The following NANOGNB variants were observed in gnomAD, a reference collection of about 807,000 sequenced individuals.
NANOGNB encodes NANOG neighbor homeobox, also known as homeobox C14.
Under a neutral mutation model 25.0 loss-of-function variants are expected in NANOGNB, and 30 were observed. The ratio of observed to expected loss-of-function variants is 1.20; its 90% CI spans 0.90 to 1.63. The LOEUF is 1.63. Among genes scored for constraint, NANOGNB ranks in the 40% most tolerant of loss-of-function variants. The pLI is 0.00. For synonymous variants in NANOGNB, 84 were observed against 62.1 expected (o/e 1.35, Z -1.66); for missense variants, 200 against 188.1 (o/e 1.06, Z -0.37).
chr12:7,766,642 T>C (rs1172236659), intron 1 of NANOGNB, among the ~76,000 whole-genome samples: 1 of 151,806 alleles, frequency 6.6e-6, no homozygotes, highest in Non-Finnish European at 1.5e-5. Flanking sequence ...TGGCACAATC[T>C]CAACTAACTG....
intron 1 of NANOGNB, among the ~76,000 whole-genome samples, chr12:7,765,715 C>T (rs1033466705): frequency 4.0e-5 from 6 of 151,822 alleles, no homozygotes; most frequent in Non-Finnish European, 7.4e-5. Context: ...AACCACTGGG[C>T]AGATGGAGTT....
rs903917570 is a variant in NANOGNB, at chr12:7,773,994, G to A, written c.*143G>A. 2.7e-5 allele frequency: 12 copies of A among 442,958 alleles called. No individual in the cohort carries two copies. The highest frequency in any genetic ancestry group is 4.2e-5 in the Admixed American group (1 of 23,860). 27.4% of individuals were successfully genotyped at this position (442,958 alleles called of 1,614,324 possible). On this transcript the variant is annotated 3_prime_UTR_variant, in exon 4 of 4. Transcript: ENST00000382119. ...GAAAACATTAACAGTCGTTGATTCC[G>A]TGGAGTAGAACTAAATGAGGGGTAT...
intron 1 of NANOGNB, among the ~76,000 whole-genome samples, chr12:7,765,908 G>A (rs756239445): frequency 1.3e-5 from 2 of 152,074 alleles, no homozygotes; most frequent in Non-Finnish European, 2.9e-5. Flanking sequence ...CTTTTGGGCA[G>A]TATTAAAAAC....
chr12:7,769,231 C>G (rs774094876), intron 1 of NANOGNB, among the ~76,000 whole-genome samples: 9 of 152,082 alleles, frequency 5.9e-5, no homozygotes, highest in Non-Finnish European at 1.2e-4. Flanking sequence ...GCGATATCGG[C>G]TTACTGCAAC....
chr12:7,772,350 T>C (rs1023111747), intron 3 of NANOGNB, among the ~76,000 whole-genome samples: 2 of 151,974 alleles, frequency 1.3e-5, no homozygotes, highest in African/African-American at 2.4e-5. Flanking sequence ...CAATCTCGGC[T>C]CACTGCAAGC....
intron 3 of NANOGNB, 29 bp from the exon 4 acceptor site, chr12:7,773,771 C>CTTTTTTTTT (rs753862496): frequency 1.8e-6 from 1 of 554,854 alleles, no homozygotes; most frequent in Non-Finnish European, 3.1e-6. Context: ...TGTTGCGAAA[C>CTTTTTTTTT]TCTTTTTTTT....
Position 7,770,951 on chromosome 12 carries a change from C to A in NANOGNB, c.515+433C>A, listed in dbSNP as rs1592110582. On this transcript the variant is annotated intron_variant, in intron 3 of 3. Transcript: ENST00000382119. ...AATGTTCCAGCCAGTGGCAGAAAAA[C>A]CACTTACTGTGTATTTTTCACTCTA... is the stretch of plus-strand genomic sequence containing the variant. 2.0e-5 allele frequency among the ~76,000 whole-genome samples: 3 copies of A among 152,104 alleles called. No individual in the cohort carries two copies. In the South Asian group the frequency reaches 6.2e-4, roughly 32 times the overall value.
Position 7,769,846 on chromosome 12 carries a change from C to T in NANOGNB, c.103-137C>T, listed in dbSNP as rs1032096986. ...CAGCCTCAAGTTCACTTTTTCTTTG[C>T]TCTATGTTTTCCACCAATGTACAAC... On this transcript the variant is annotated intron_variant, in intron 1 of 3. Coordinates refer to ENST00000382119, the MANE Select transcript of NANOGNB (RefSeq NM_001145465.1). 19 of 732,018 alleles carry T rather than the reference C, an allele frequency of 2.6e-5. No individual in the cohort carries two copies. In the African/African-American group the frequency reaches 3.2e-4, roughly 12 times the overall value. 45.3% of individuals were successfully genotyped at this position (732,018 alleles called of 1,614,324 possible).
chr12:7,765,474 G>A, intron 1 of NANOGNB, 87 bp downstream of exon 1: 2 of 262,126 alleles, frequency 7.6e-6, no homozygotes, highest in South Asian at 6.3e-5. Context: ...GGAGGCTGAG[G>A]CGGGAGAATG....
intron 3 of NANOGNB, among the ~76,000 whole-genome samples, chr12:7,771,624 TTTTG>T (rs1205962417): frequency 6.6e-6 from 1 of 151,806 alleles, no homozygotes; most frequent in African/African-American, 2.4e-5. Context: ...GATCATTGTT[TTTTG>T]TTTGTTTTGT....
chr12:7,771,482 G>T (rs1041830370), intron 3 of NANOGNB, among the ~76,000 whole-genome samples: 2 of 152,196 alleles, frequency 1.3e-5, no homozygotes, highest in African/African-American at 2.4e-5. Flanking sequence ...GCCTCCGAAA[G>T]TGCTGGGATT....
At chr12:7,767,268 A>G (rs7303925) in intron 1 of NANOGNB, among the ~76,000 whole-genome samples, 75,998 of 152,088 alleles carry the variant, frequency 0.5, 19,302 homozygotes, top group East Asian at 0.59. Context: ...AATCACCAAC[A>G]GGCAAAGAAC....
Position 7,765,293 on chromosome 12 carries a change from G to C in NANOGNB, c.8G>C (p.Arg3Pro), listed in dbSNP as rs866678269. The change falls in exon 1 of 4, where the codon CGG becomes CCG. Residue 3 changes from arginine (R) to proline (P), a missense_variant. Transcript: ENST00000382119. The stretch of plus-strand genomic sequence containing the variant: ...GGTCTTTAAAACTCCTCAATGCACC[G>C]GGCGCGGTGGCTCACGCCTGTAATC... The part of the protein sequence containing the change: MH[R>P]ARWLTPVIPA... 2.3e-6 allele frequency: 3 copies of C among 1,279,510 alleles called. No individual in the cohort carries two copies. Among genetic ancestry groups the C allele is most frequent in the Admixed American group, 4.6e-5 (2 of 43,366 alleles). The allele number at this position is 1,279,510 out of a possible 1,614,324, so 79.3% of individuals were successfully genotyped here.
At chr12:7,772,095 C>G (rs1284826954) in intron 3 of NANOGNB, among the ~76,000 whole-genome samples, 1 of 152,200 alleles carries the variant, frequency 6.6e-6, no homozygotes, top group Admixed American at 6.6e-5. Flanking sequence ...CTCAATGCAC[C>G]TCAGTATCAG....
chr12:7,766,703 T>G (rs1056177550), intron 1 of NANOGNB, among the ~76,000 whole-genome samples: 5 of 152,180 alleles, frequency 3.3e-5, no homozygotes, highest in Non-Finnish European at 7.3e-5. Flanking sequence ...GTTTTTTGTA[T>G]TTTTAATAGA....
intron 1 of NANOGNB, among the ~76,000 whole-genome samples, chr12:7,767,537 C>A (rs57436982): frequency 0.12 from 18,329 of 151,804 alleles, 1,385 homozygotes; most frequent in South Asian, 0.24. Context: ...CCCACCTCAC[C>A]CACTGCCGTC....
intron 1 of NANOGNB, among the ~76,000 whole-genome samples, chr12:7,767,717 T>C (rs1016529980): frequency 2.0e-5 from 3 of 152,118 alleles, no homozygotes; most frequent in Non-Finnish European, 2.9e-5. Context: ...ATATGACTTT[T>C]TGTATTTCAA....
intron 3 of NANOGNB, among the ~76,000 whole-genome samples, chr12:7,772,354 T>C (rs1440129724): frequency 6.6e-6 from 1 of 152,000 alleles, no homozygotes; most frequent in Admixed American, 6.6e-5. Context: ...CTCGGCTCAC[T>C]GCAAGCTCTG....
intron 1 of NANOGNB, chr12:7,766,036 C>A (rs1237236238): frequency 2.5e-5 from 10 of 397,810 alleles, no homozygotes; most frequent in Non-Finnish European, 3.1e-5. Flanking sequence ...GAAAGAGGAG[C>A]AACAAAGAAA....
Sources: allele counts gnomAD v4.1 joint callset (sites outside exome capture counted in the v4.1 genomes callset), GRCh38; gene constraint gnomAD v4.1.1; transcripts MANE v1.5; gene names NCBI Gene and HGNC (gene_info 2026-07-23, HGNC 2026-07-21).